The following FRMPD4 variants were observed in gnomAD, a reference collection of about 807,000 sequenced individuals.
The protein encoded by FRMPD4 is FERM and PDZ domain-containing protein 4.
In FRMPD4, 22 loss-of-function variants were observed where a neutral mutation model predicts 94.1. The ratio of observed to expected loss-of-function variants is 0.23; its 90% CI spans 0.17 to 0.33. The LOEUF is 0.33. Among genes scored for constraint, FRMPD4 ranks in the 10% least tolerant of loss-of-function variants. The probability of loss-of-function intolerance (pLI) is 1.00; values close to 1 mark genes in which losing one functional copy is unlikely to be tolerated. For synonymous variants in FRMPD4, 631 were observed against 548.6 expected (o/e 1.15, Z -2.10); for missense variants, 1,111 against 1,339.9 (o/e 0.83, Z 2.67).
At chrX:12,179,317 C>T (rs746983966) in intron 1 of FRMPD4, among the ~76,000 whole-genome samples, 100 of 110,687 alleles carry the variant, frequency 9.0e-4, no homozygotes, top group Non-Finnish European at 1.5e-3. Context: ...GCCCAGGTCT[C>T]GGGGTGGGGA....
intron 2 of FRMPD4, among the ~76,000 whole-genome samples, chrX:12,507,203 G>A (rs781108101): frequency 1.8e-5 from 2 of 112,490 alleles, no homozygotes; most frequent in South Asian, 3.7e-4. Flanking sequence ...CCCTGTCAAG[G>A]ATAGGTTTTC....
chrX:12,707,010 C>T, intron 12 of FRMPD4, 95 bp downstream of exon 12: 1 of 465,267 alleles, frequency 2.1e-6, no homozygotes. Context: ...TGTGAATCTT[C>T]TCCAGCCTTC....
At chrX:12,345,176 G>GGATGGATGGATA (rs1446105303) in intron 1 of FRMPD4, among the ~76,000 whole-genome samples, 1 of 104,195 alleles carries the variant, frequency 9.6e-6, no homozygotes, top group African/African-American at 3.4e-5. Flanking sequence ...ATGGATGGAT[G>GGATGGATGGATA]GATAGACGGA....
At chrX:12,460,741 T>C (rs1447484437) in intron 1 of FRMPD4, among the ~76,000 whole-genome samples, 3 of 111,809 alleles carry the variant, frequency 2.7e-5, no homozygotes, top group Non-Finnish European at 3.8e-5. Context: ...AAGGAGCATA[T>C]TGGGCCTCGT....
chrX:12,327,137 C>A (rs1232943099), intron 1 of FRMPD4, among the ~76,000 whole-genome samples: 1 of 111,497 alleles, frequency 9.0e-6, no homozygotes, highest in Non-Finnish European at 1.9e-5. Context: ...GTTCTGATTC[C>A]ATTTTCTTCT....
At chrX:11,862,092 C>T (rs1479013882) in intron 1 of FRMPD4, among the ~76,000 whole-genome samples, 1 of 111,137 alleles carries the variant, frequency 9.0e-6, no homozygotes, top group Admixed American at 9.5e-5. Context: ...TGAACAGCAC[C>T]AAGGGGGAAA....
chrX:12,720,633 C>G lies in FRMPD4; in HGVS notation c.4064C>G (p.Ser1355Trp). 7 of 1,180,121 alleles carry G rather than the reference C, an allele frequency of 5.9e-6. No individual in the cohort carries two copies. The highest frequency in any genetic ancestry group is 7.9e-6 in the Non-Finnish European group (7 of 881,716). ...DPILLPSNIH[S>W]ESKVPIPNQD... ...ATCCTGCTACCATCAAACATTCACT[C>G]GGAATCAAAGGTGCCAATTCCAAAT... The change falls in exon 17 of 17, where the codon TCG (serine) becomes TGG (tryptophan). Residue 1355 changes from serine (S) to tryptophan (W), a missense_variant. Coordinates refer to ENST00000675598, the MANE Select transcript of FRMPD4 (RefSeq NM_001368397.1).
At chrX:12,107,963 T>A (rs1230412882) in intron 3 of FRMPD4, among the ~76,000 whole-genome samples, 9 of 111,692 alleles carry the variant, frequency 8.1e-5, no homozygotes, top group African/African-American at 2.9e-4. Flanking sequence ...TACCTGAAAG[T>A]GACGGGGAAA....
chrX:12,486,034 C>T (rs2057736084), intron 1 of FRMPD4, among the ~76,000 whole-genome samples: 2 of 111,918 alleles, frequency 1.8e-5, no homozygotes, highest in Non-Finnish European at 3.8e-5. Context: ...CTTGCCTTGA[C>T]CTGGGTCTCC....
At chrX:11,962,912 A>G (rs1223113091) in intron 3 of FRMPD4, among the ~76,000 whole-genome samples, 1 of 111,694 alleles carries the variant, frequency 9.0e-6, no homozygotes, top group Non-Finnish European at 1.9e-5. Flanking sequence ...TTTAAATGTG[A>G]TCTATTTTCT....
intron 1 of FRMPD4, among the ~76,000 whole-genome samples, chrX:11,848,397 C>T (rs2053595804): frequency 9.0e-6 from 1 of 111,502 alleles, no homozygotes; most frequent in South Asian, 3.7e-4. Context: ...AAAGATTGGT[C>T]AGAAAGTTGT....
chrX:12,475,419 C>G (rs1406843151), intron 1 of FRMPD4, among the ~76,000 whole-genome samples: 2 of 111,594 alleles, frequency 1.8e-5, no homozygotes, highest in Admixed American at 1.9e-4. Context: ...GGGATGCCCT[C>G]TCTCACCACT....
intron 3 of FRMPD4, among the ~76,000 whole-genome samples, chrX:12,036,517 G>A (rs778439129): frequency 8.8e-4 from 99 of 112,157 alleles, no homozygotes; most frequent in African/African-American, 3.1e-3. Context: ...GAAATAATAT[G>A]AATTGATTTG....
intron 3 of FRMPD4, among the ~76,000 whole-genome samples, chrX:12,048,950 G>A (rs2054801281): frequency 9.0e-6 from 1 of 111,267 alleles, no homozygotes; most frequent in Non-Finnish European, 1.9e-5. Context: ...TTTTGCTTAG[G>A]ATTGCTTTGT....
At chrX:12,465,419 C>A (rs1012388694) in intron 1 of FRMPD4, among the ~76,000 whole-genome samples, 2 of 111,295 alleles carry the variant, frequency 1.8e-5, no homozygotes, top group African/African-American at 6.5e-5. Flanking sequence ...GCTCCCAGCT[C>A]ATCAGCACTA....
In FRMPD4 at chrX:12,348,561, A is replaced by G. The variant is rs79374143; in HGVS notation, c.42-150119A>G. On this transcript the variant is annotated intron_variant, in intron 1 of 16. Transcript: ENST00000675598. ...TGTCCTGGGTCTCCCACTTCCCAATAAGCAAATGCTGAAGGAAATGCTTCC... is the reference window on the plus strand; with the variant it reads ...TGTCCTGGGTCTCCCACTTCCCAATGAGCAAATGCTGAAGGAAATGCTTCC... Among the ~76,000 whole-genome samples, 863 of 105,903 alleles carry G rather than the reference A, an allele frequency of 8.1e-3. 23 individuals carry two copies. Among genetic ancestry groups the G allele is most frequent in the East Asian group, 0.064 (216 of 3,387 alleles). The allele number at this position is 105,903 out of a possible 115,157, so 92.0% of individuals were successfully genotyped here.
intron 1 of FRMPD4, among the ~76,000 whole-genome samples, chrX:12,148,714 A>G (rs2055805521): frequency 8.9e-6 from 1 of 112,376 alleles, no homozygotes; most frequent in African/African-American, 3.2e-5. Context: ...CCTGGCTTCA[A>G]AGCTTGAAAG....
chrX:12,114,622 G>A (rs2055392330), intron 3 of FRMPD4, among the ~76,000 whole-genome samples: 1 of 111,835 alleles, frequency 8.9e-6, no homozygotes, highest in Admixed American at 9.5e-5. Flanking sequence ...TATGGCATAA[G>A]CCCCTTATTT....
chrX:12,694,323 C>A lies in FRMPD4; in HGVS notation c.814-12C>A. 8.3e-7 allele frequency: 1 copy of A among 1,198,528 alleles called. No homozygotes were observed. The highest frequency in any genetic ancestry group is 1.1e-6 in the Non-Finnish European group (1 of 883,618). On this transcript the variant is annotated splice_polypyrimidine_tract_variant and intron_variant, in intron 8 of 16. Coordinates refer to ENST00000675598, the MANE Select transcript of FRMPD4 (RefSeq NM_001368397.1). ...ACTGAAGGGTTCTTGTGTGATTGGT[C>A]TACTCTTCCAGGTGACACAGAGGCC...
Sources: gnomAD v4.1 joint callset for allele counts (sites outside exome capture counted in the v4.1 genomes callset) on GRCh38, gnomAD v4.1.1 for gene constraint, MANE v1.5 for transcripts, NCBI Gene and HGNC (gene_info 2026-07-23, HGNC 2026-07-21) for gene names.